CYB561: variants seen among roughly 807,000 people sequenced by gnomAD.
The protein encoded by CYB561 is transmembrane ascorbate-dependent reductase CYB561.
Under a neutral mutation model 25.3 loss-of-function variants are expected in CYB561, and 11 were observed. The ratio of observed to expected loss-of-function variants is 0.44; its 90% CI spans 0.27 to 0.72. CYB561 has a LOEUF of 0.72. Ranked by LOEUF, CYB561 falls within the 30% of genes least tolerant of loss-of-function variation. The probability of loss-of-function intolerance (pLI) is 0.18; values close to 1 mark genes in which losing one functional copy is unlikely to be tolerated. For synonymous variants in CYB561, 165 were observed against 158.8 expected, an observed-to-expected ratio of 1.04 and a Z score of -0.29; for missense variants, 295 against 334.9, an observed-to-expected ratio of 0.88 and a Z score of 0.93.
At chr17:63,442,751 C>G (rs147541935) in intron 1 of CYB561, 5 of 152,224 alleles carry the variant, frequency 3.3e-5, no homozygotes, top group Non-Finnish European at 7.3e-5. Context: ...GAGTCACCCT[C>G]GTCCCCACCC....
chr17:63,442,616 G>A (rs2049385662), intron 1 of CYB561, among the ~76,000 whole-genome samples: 1 of 152,138 alleles, frequency 6.6e-6, no homozygotes, highest in Non-Finnish European at 1.5e-5. Context: ...CCACTGCCCT[G>A]CAGACCAGAA....
Position 63,436,967 on chromosome 17 carries a change from T to C in CYB561, c.202+379A>G, listed in dbSNP as rs1027343965. On this transcript the variant is annotated intron_variant, in intron 2 of 5. Coordinates refer to ENST00000360793, the MANE Select transcript of CYB561 (RefSeq NM_001915.4). This position sits in a 1 kb window ranked among gnomAD's most constrained non-coding sequence, Gnocchi z 4.8. ...CCAAGTCCAAGACCAACAACACACA[T>C]GCGCGCGCACGCACGCACGCATACA... 1.3e-5 allele frequency: 3 copies of C among 230,932 alleles called. No individual in the cohort carries two copies. The highest frequency in any genetic ancestry group is 5.2e-5 in the Admixed American group (1 of 19,270). 14.3% of individuals were successfully genotyped at this position (230,932 alleles called of 1,614,324 possible). A position where few individuals can be genotyped will look rare whatever the true frequency, so the allele number is the denominator to read the frequency against.
intron 1 of CYB561, chr17:63,440,943 C>T (rs1298712510): frequency 6.6e-6 from 1 of 152,204 alleles, no homozygotes. Context: ...TGATTAGCTA[C>T]AAATTAGGAA....
At position 63,434,240 on chromosome 17, in the gene CYB561, AG is replaced by A; in HGVS notation, c.*161del. On this transcript the variant is annotated 3_prime_UTR_variant, in exon 6 of 6. Transcript: ENST00000360793. The stretch of plus-strand genomic sequence containing the variant: ...GCAGCGGAGAAAGGAGAAGCAGAGG[AG>A]GCGGAGACCTGACCCCAGAAAGCAG... 1 of 617,158 alleles carries A rather than the reference AG, an allele frequency of 1.6e-6. No individual in the cohort carries two copies. Among genetic ancestry groups the A allele is most frequent in the Non-Finnish European group, 2.8e-6 (1 of 354,444 alleles). 38.2% of individuals were successfully genotyped at this position (617,158 alleles called of 1,614,324 possible).
At position 63,434,252 on chromosome 17, in the gene CYB561, G is replaced by C; in HGVS notation, c.*150C>G. ...GGAGAAGCAGAGGAGGCGGAGACCT[G>C]ACCCCAGAAAGCAGCACTCAAACAG... On this transcript the variant is annotated 3_prime_UTR_variant, in exon 6 of 6. Transcript: ENST00000360793. The C allele has an allele frequency of 1.5e-6, 1 of 658,794 alleles. No homozygotes were observed. Among genetic ancestry groups the C allele is most frequent in the Non-Finnish European group, 2.6e-6 (1 of 391,224 alleles). The allele number at this position is 658,794 out of a possible 1,614,324, so 40.8% of individuals were successfully genotyped here. A position where few individuals can be genotyped will look rare whatever the true frequency, so the allele number is the denominator to read the frequency against.
intron 2 of CYB561, chr17:63,437,039 T>C (rs533582942): frequency 5.5e-5 from 25 of 458,464 alleles, no homozygotes; most frequent in African/African-American, 4.9e-4. Flanking sequence ...AAACCACCCC[T>C]GCAGCAGGGC....
chr17:63,442,483 T>C (rs58151169), intron 1 of CYB561, among the ~76,000 whole-genome samples: 7,133 of 152,194 alleles, frequency 0.047, 575 homozygotes, highest in African/African-American at 0.16. Flanking sequence ...ACTCTCTCGC[T>C]CTTCCCTCCT....
chr17:63,439,965 G>A (rs912740671), intron 1 of CYB561, among the ~76,000 whole-genome samples: 2 of 152,178 alleles, frequency 1.3e-5, no homozygotes, highest in Non-Finnish European at 2.9e-5. Context: ...GCTAGGTTCT[G>A]TTTTAGACTT....
At position 63,433,538 on chromosome 17, in the gene CYB561, A is replaced by T. The variant is rs930486436; in HGVS notation, c.*864T>A. On this transcript the variant is annotated 3_prime_UTR_variant, in exon 6 of 6. Coordinates refer to ENST00000360793, the MANE Select transcript of CYB561 (RefSeq NM_001915.4). ...GCGGTTTTTCATTTAAAAAATTATA[A>T]GGTTTGTGCCCTCTGCCTCCCAGCC... 1.3e-5 allele frequency: 5 copies of T among 392,482 alleles called. No homozygotes were observed. The Admixed American group carries it at 1.3e-4, about 10-fold the overall frequency. The allele number at this position is 392,482 out of a possible 1,614,324, so 24.3% of individuals were successfully genotyped here. A position where few individuals can be genotyped will look rare whatever the true frequency, so the allele number is the denominator to read the frequency against.
rs1360659294 is a variant in CYB561, at chr17:63,433,441, A to C, written c.*961T>G. 1 of 398,960 alleles carries C rather than the reference A, an allele frequency of 2.5e-6. No individual in the cohort carries two copies. Among genetic ancestry groups the C allele is most frequent in the East Asian group, 3.6e-5 (1 of 28,090 alleles). 24.7% of individuals were successfully genotyped at this position (398,960 alleles called of 1,614,324 possible). On this transcript the variant is annotated 3_prime_UTR_variant, in exon 6 of 6. Transcript: ENST00000360793. ...CTGGAAAGATGGGCAGCAGATAAGG[A>C]GAAGGCTCGTCCTCCAGAACAGAGG...
rs2147485224 is a variant in CYB561 at position 63,433,111 on chromosome 17, C to T, written c.*1291G>A. The T allele has an allele frequency of 3.1e-6, 1 of 323,870 alleles. No individual in the cohort carries two copies. Among genetic ancestry groups the T allele is most frequent in the African/African-American group, 2.1e-5 (1 of 46,792 alleles). 20.1% of individuals were successfully genotyped at this position (323,870 alleles called of 1,614,324 possible). A position where few individuals can be genotyped will look rare whatever the true frequency, so the allele number is the denominator to read the frequency against. On this transcript the variant is annotated 3_prime_UTR_variant, in exon 6 of 6. Transcript: ENST00000360793. The stretch of plus-strand genomic sequence containing the variant: ...GCTGGAGTGCAATCTCAGCTCACTG[C>T]AAGCGCCATCTCCCGGGTTCACACC...
chr17:63,444,110 G>A (rs1483576482), intron 1 of CYB561, among the ~76,000 whole-genome samples: 2 of 151,898 alleles, frequency 1.3e-5, no homozygotes, highest in East Asian at 3.9e-4. Context: ...CAGACTCCCC[G>A]AGTCTGGGAT....
chr17:63,439,509 G>A (rs751826832), intron 1 of CYB561, among the ~76,000 whole-genome samples: 1 of 151,510 alleles, frequency 6.6e-6, no homozygotes, highest in African/African-American at 2.4e-5. Flanking sequence ...TTCCAGCCTG[G>A]GTGACAGAAT....
At chr17:63,443,063 A>G (rs2049391811) in intron 1 of CYB561, among the ~76,000 whole-genome samples, 1 of 152,174 alleles carries the variant, frequency 6.6e-6, no homozygotes. Context: ...GGAAAGGCCG[A>G]TATCTCTTCT....
intron 1 of CYB561, chr17:63,438,223 T>C: frequency 2.0e-6 from 3 of 1,535,384 alleles, no homozygotes; most frequent in East Asian, 2.4e-5. Context: ...TTGTTTTCTG[T>C]TTCATGAGGC....
At chr17:63,441,131 C>T (rs2049371004) in intron 1 of CYB561, among the ~76,000 whole-genome samples, 3 of 152,236 alleles carry the variant, frequency 2.0e-5, no homozygotes, top group Admixed American at 6.5e-5. Context: ...CTCGCAGCGA[C>T]GACTGCCTGC....
chr17:63,435,499 G>A (rs530463496), intron 4 of CYB561, 189 bp downstream of exon 4: 5 of 688,288 alleles, frequency 7.3e-6, no homozygotes, highest in South Asian at 1.8e-5. Context: ...GCCATGGGGC[G>A]CCTGGGAGCT....
chr17:63,436,482 G>A lies in CYB561; in HGVS notation c.203-330C>T, dbSNP rs894264050. 4 of 247,158 alleles carry A rather than the reference G, an allele frequency of 1.6e-5. No homozygotes were observed. Among genetic ancestry groups the A allele is most frequent in the East Asian group, 8.8e-5 (1 of 11,328 alleles). The allele number at this position is 247,158 out of a possible 1,614,324, so 15.3% of individuals were successfully genotyped here. A position where few individuals can be genotyped will look rare whatever the true frequency, so the allele number is the denominator to read the frequency against. ...CAGTGAAGGCAGCGCCTCTGCCCTC[G>A]TCCCCACCTAAAGGAGCTGCCCGGC... is the stretch of plus-strand genomic sequence containing the variant. On this transcript the variant is annotated intron_variant, in intron 2 of 5. Transcript: ENST00000360793. This position sits in a 1 kb window ranked among gnomAD's most constrained non-coding sequence, Gnocchi z 4.8.
chr17:63,446,539 G>C (rs1051797023), upstream of CYB561, among the ~76,000 whole-genome samples: 1 of 152,074 alleles, frequency 6.6e-6, no homozygotes, highest in Non-Finnish European at 1.5e-5. Flanking sequence ...ATGATCGGGG[G>C]TGCGTGGGAT....
Sources: allele counts gnomAD v4.1 joint callset (sites outside exome capture counted in the v4.1 genomes callset), GRCh38; gene constraint gnomAD v4.1.1; non-coding constraint Gnocchi (gnomAD v3.1); transcripts MANE v1.5; gene names NCBI Gene and HGNC (gene_info 2026-07-23, HGNC 2026-07-21).